The following SLITRK3 variants were observed in gnomAD, a reference collection of about 807,000 sequenced individuals.
The protein encoded by SLITRK3 is SLIT and NTRK-like protein 3.
A neutral mutation model predicts 63.6 loss-of-function variants in SLITRK3; 16 were observed. That is an observed-to-expected ratio of 0.25 (90% CI 0.17 to 0.38). SLITRK3 has a LOEUF of 0.38. Among genes scored for constraint, SLITRK3 ranks in the 10% least tolerant of loss-of-function variants. SLITRK3 has a pLI of 1.00. For missense variants in SLITRK3, 1,117 were observed against 1,181.4 expected, an observed-to-expected ratio of 0.95 and a Z score of 0.80; for synonymous variants, 547 against 451.6, an observed-to-expected ratio of 1.21 and a Z score of -2.68.
At position 165,188,989 on chromosome 3, in the gene SLITRK3, C is replaced by T. The variant is rs1468997790; in HGVS notation, c.1842G>A (p.Met614Ile). Residue 614 changes from methionine to isoleucine, a missense_variant, in exon 2 of 2, where the codon ATG becomes ATA. Physicochemically the swap from Met to Ile is conservative, Grantham distance 10 (BLOSUM62 1). This residue lies in a region of SLITRK3 where 499 missense variants were observed against 463.6 expected (regional missense o/e 1.08). Coordinates refer to ENST00000475390, the MANE Select transcript of SLITRK3 (RefSeq NM_001318810.2). ...ATTCTCCAGCTGGTGCAACGTGCAGCATCTCTGGGCAAAGAACTTCCAGCT... is the reference window on the plus strand; with the variant it reads ...ATTCTCCAGCTGGTGCAACGTGCAGTATCTCTGGGCAAAGAACTTCCAGCT... Reference protein sequence around the residue: ...TIELEVLCPEMLHVAPAGESP... With the variant: ...TIELEVLCPEILHVAPAGESP... 2 of 1,614,166 alleles carry T rather than the reference C, an allele frequency of 1.2e-6. No homozygotes were observed. Among genetic ancestry groups the T allele is most frequent in the Admixed American group, 1.7e-5 (1 of 60,016 alleles).
At position 165,189,094 on chromosome 3, in the gene SLITRK3, G is replaced by A. The variant is rs751022804; in HGVS notation, c.1737C>T (p.Thr579=). 6 of 1,614,066 alleles carry A rather than the reference G, an allele frequency of 3.7e-6. No individual in the cohort carries two copies. The highest frequency in any genetic ancestry group is 5.1e-6 in the Non-Finnish European group (6 of 1,180,036). ...CACCAACCACACTGACTGAGCTGAT[G>A]GTTTCGATCCACTGTTTAAAGGGGA... ...DLVPFKQWIE[T]ISSVSVVGDV... Residue 579 remains threonine, a synonymous_variant, in exon 2 of 2, where the codon ACC becomes ACT. Transcript: ENST00000475390. This position sits in a 1 kb window ranked among gnomAD's most constrained non-coding sequence, Gnocchi z 4.0.
chr3:165,189,774 G>T lies in SLITRK3; in HGVS notation c.1057C>A (p.Pro353Thr), dbSNP rs1236575132. 1.2e-6 allele frequency: 2 copies of T among 1,614,178 alleles called. No homozygotes were observed. The highest frequency in any genetic ancestry group is 1.7e-6 in the Non-Finnish European group (2 of 1,180,026). The part of the protein sequence containing the change: ...RPPSTSQALY[P>T]GPNQPPIAPY... Reference sequence around the variant, plus strand: ...GCAATGGGAGGCTGGTTTGGACCAGGATATAAAGCTTGGGAGGTGGAGGGT... The same window carrying T: ...GCAATGGGAGGCTGGTTTGGACCAGTATATAAAGCTTGGGAGGTGGAGGGT... The change falls in exon 2 of 2, where the codon CCT becomes ACT. Residue 353 changes from proline to threonine, a missense_variant. This residue lies in a region of SLITRK3 where 452 missense variants were observed against 495.3 expected (regional missense o/e 0.91). Coordinates refer to ENST00000475390, the MANE Select transcript of SLITRK3 (RefSeq NM_001318810.2). This position sits in a 1 kb window ranked among gnomAD's most constrained non-coding sequence, Gnocchi z 4.0.
At chr3:165,192,527 T>C (rs771719010) in intron 1 of SLITRK3, among the ~76,000 whole-genome samples, 2 of 151,336 alleles carry the variant, frequency 1.3e-5, no homozygotes, top group Non-Finnish European at 2.9e-5. Flanking sequence ...GGGTTTCGGG[T>C]TTTTTTGTAA....
chr3:165,190,440 A>G lies in SLITRK3; in HGVS notation c.391T>C (p.Tyr131His). 6.2e-7 allele frequency: 1 copy of G among 1,613,856 alleles called. No homozygotes were observed. The highest frequency in any genetic ancestry group is 8.5e-7 in the Non-Finnish European group (1 of 1,179,978). Residue 131 changes from tyrosine to histidine, a missense_variant, in exon 2 of 2, where the codon TAT becomes CAT. Physicochemically the swap from Tyr to His is moderately conservative, Grantham distance 83. Transcript: ENST00000475390. ...ACATCTAGTTTGTTTTCATGTAGAT[A>G]TAGTCTCTTTAAAATCTTAAGACCA... is the stretch of plus-strand genomic sequence containing the variant. ...FNGLKILKRLYLHENKLDVFR... is the reference protein window; with the variant it reads ...FNGLKILKRLHLHENKLDVFR...
upstream of SLITRK3, chr3:165,196,581 A>G (rs1329858005): frequency 3.3e-5 from 5 of 152,830 alleles, no homozygotes; most frequent in African/African-American, 9.7e-5. Context: ...ATCGGATTAC[A>G]CGTTACTTAC....
intron 1 of SLITRK3, among the ~76,000 whole-genome samples, chr3:165,194,165 G>A (rs552895003): frequency 1.3e-5 from 2 of 152,214 alleles, no homozygotes; most frequent in South Asian, 2.1e-4. Context: ...AGGGGAGAAG[G>A]CAGGGACTTT....
chr3:165,191,639 C>T (rs1025307822), intron 1 of SLITRK3, among the ~76,000 whole-genome samples: 2 of 152,140 alleles, frequency 1.3e-5, no homozygotes, highest in Non-Finnish European at 2.9e-5. Context: ...CATGCCCGTG[C>T]AATTGTCAGA....
rs569158591 is a variant in SLITRK3, at chr3:165,189,091, G to A, written c.1740C>T (p.Ile580=). Residue 580 remains isoleucine (I), a synonymous_variant, in exon 2 of 2, where the codon ATC becomes ATT. Transcript: ENST00000475390. This position sits in a 1 kb window ranked among gnomAD's most constrained non-coding sequence, Gnocchi z 4.0. ...LVPFKQWIET[I]SSVSVVGDVL... ...CATCACCAACCACACTGACTGAGCT[G>A]ATGGTTTCGATCCACTGTTTAAAGG... The A allele has an allele frequency of 6.3e-5, 102 of 1,614,200 alleles. 1 individual carries two copies. In the South Asian group the frequency reaches 1.0e-3, roughly 17 times the overall value.
At chr3:165,194,009 G>A (rs1358118523) in intron 1 of SLITRK3, among the ~76,000 whole-genome samples, 3 of 152,096 alleles carry the variant, frequency 2.0e-5, no homozygotes, top group African/African-American at 4.8e-5. Context: ...AGTCCTGCCT[G>A]CTGGGAAGGA....
intron 1 of SLITRK3, among the ~76,000 whole-genome samples, chr3:165,194,766 C>T (rs989988895): frequency 6.6e-6 from 1 of 152,160 alleles, no homozygotes; most frequent in Non-Finnish European, 1.5e-5. Context: ...AATGTTGTCT[C>T]GGCAATGAAG....
rs1053030805 is a variant in SLITRK3 at position 165,189,037 on chromosome 3, C to T, written c.1794G>A (p.Thr598=). 6 of 1,614,150 alleles carry T rather than the reference C, an allele frequency of 3.7e-6. No homozygotes were observed. Among genetic ancestry groups the T allele is most frequent in the Admixed American group, 1.7e-5 (1 of 60,016 alleles). ...GCTCAATAGTGCGCACATCACGGTG[C>T]GTGAGGTTCTCAGGGCTCCTGCAAA... ...DVLCRSPENL[T]HRDVRTIELE... The change falls in exon 2 of 2, where the codon ACG becomes ACA. Residue 598 remains threonine, a synonymous_variant. Transcript: ENST00000475390. This position sits in a 1 kb window ranked among gnomAD's most constrained non-coding sequence, Gnocchi z 4.0.
At chr3:165,190,937 G>T in intron 1 of SLITRK3, 86 bp from the exon 2 acceptor site, 3 of 971,614 alleles carry the variant, frequency 3.1e-6, no homozygotes, top group African/African-American at 3.3e-5. Flanking sequence ...CATTTTAAGA[G>T]CTATATAAAA....
chr3:165,195,449 A>C (rs1156730338), intron 1 of SLITRK3, 131 bp downstream of exon 1: 2 of 152,274 alleles, frequency 1.3e-5, no homozygotes, highest in Non-Finnish European at 2.9e-5. Flanking sequence ...TCAAAACTGC[A>C]ACAAACCCCT....
In SLITRK3 at chr3:165,189,231, G is replaced by C; in HGVS notation, c.1600C>G (p.Leu534Val). 6.2e-7 allele frequency: 1 copy of C among 1,614,228 alleles called. No individual in the cohort carries two copies. Among genetic ancestry groups the C allele is most frequent in the Non-Finnish European group, 8.5e-7 (1 of 1,180,044 alleles). The change falls in exon 2 of 2, where the codon CTG becomes GTG. Residue 534 changes from leucine (L) to valine (V), a missense_variant. Transcript: ENST00000475390. The surrounding 1 kb of genome is among the most constrained non-coding windows in gnomAD (Gnocchi z 4.0). ...FAGTSLARLN[L>V]RKNYFLYLPV... ...AGATAGAGGAAGTAGTTCTTCCTCA[G>C]GTTGAGCCGGGCCAGGGATGTGCCA...
rs3840228 is a variant in SLITRK3 at position 165,187,478 on chromosome 3, T to TC, written c.*418dup. 0.088 allele frequency: 13,682 copies of TC among 154,608 alleles called. 646 individuals are homozygous for TC. The highest frequency in any genetic ancestry group is 0.13 in the South Asian group (627 of 4,804). 9.6% of individuals were successfully genotyped at this position (154,608 alleles called of 1,614,324 possible). Reference sequence around the variant, plus strand: ...CACAAATGACAAATGTCAACTTGTTTCCCCCCCTTTAAATCAAAACTACAA... The same window carrying TC: ...CACAAATGACAAATGTCAACTTGTTTCCCCCCCCTTTAAATCAAAACTACAA... On this transcript the variant is annotated 3_prime_UTR_variant, in exon 2 of 2. Transcript: ENST00000475390.
In SLITRK3 at chr3:165,193,462, TG is replaced by T. The variant is rs555367215; in HGVS notation, c.-22+2117del. On this transcript the variant is annotated intron_variant, in intron 1 of 1. Coordinates refer to ENST00000475390, the MANE Select transcript of SLITRK3 (RefSeq NM_001318810.2). ...CAGCCATTCCCTGCAATGACGGGGA[TG>T]GGGGGAAATCCAGGTCCCCAAAGCA... Among the ~76,000 whole-genome samples, 15 of 152,000 alleles carry T rather than the reference TG, an allele frequency of 9.9e-5. No homozygotes were observed. In the South Asian group the frequency reaches 2.5e-3, roughly 25 times the overall value.
At position 165,195,785 on chromosome 3, in the gene SLITRK3, G is replaced by A. The variant is rs1718393456; in HGVS notation, c.-227C>T. 6.5e-6 allele frequency: 1 copy of A among 152,718 alleles called. No individual in the cohort carries two copies. The highest frequency in any genetic ancestry group is 2.4e-5 in the African/African-American group (1 of 41,468). 9.5% of individuals were successfully genotyped at this position (152,718 alleles called of 1,614,324 possible). On this transcript the variant is annotated 5_prime_UTR_variant, in exon 1 of 2. Transcript: ENST00000475390. ...CCACCTTTGAGACTTGCAGGGAAATGGTCGCTGCATACCAATGGGAGAGCG... is the reference window on the plus strand; with the variant it reads ...CCACCTTTGAGACTTGCAGGGAAATAGTCGCTGCATACCAATGGGAGAGCG...
chr3:165,196,582 C>G (rs1472037225), upstream of SLITRK3: 2 of 152,856 alleles, frequency 1.3e-5, no homozygotes, highest in African/African-American at 4.8e-5. Flanking sequence ...TCGGATTACA[C>G]GTTACTTACC....
chr3:165,189,253 G>A lies in SLITRK3; in HGVS notation c.1578C>T (p.Gly526=), dbSNP rs1404707160. ...TCAGGTTGAGCCGGGCCAGGGATGT[G>A]CCAGCAAAGGCGTCTGTTGGCAGAG... ...LRTLPTDAFA[G]TSLARLNLRK... Residue 526 remains glycine (G), a synonymous_variant, in exon 2 of 2, where the codon GGC becomes GGT. Transcript: ENST00000475390. This position sits in a 1 kb window ranked among gnomAD's most constrained non-coding sequence, Gnocchi z 4.0. The A allele has an allele frequency of 3.1e-6, 5 of 1,614,098 alleles. No homozygotes were observed. The Admixed American group carries it at 5.0e-5, about 16-fold the overall frequency.
Sources: gnomAD v4.1 joint callset for allele counts (sites outside exome capture counted in the v4.1 genomes callset) on GRCh38, gnomAD v4.1.1 for gene constraint, gnomAD v4.1.1 regional missense constraint, Gnocchi (gnomAD v3.1) non-coding constraint, MANE v1.5 for transcripts, NCBI Gene and HGNC (gene_info 2026-07-23, HGNC 2026-07-21) for gene names.